CENPP: variants seen among roughly 807,000 people sequenced by gnomAD.
The protein encoded by CENPP is centromere protein P.
CENPP carries 24 observed loss-of-function variants against 35.6 expected under a neutral mutation model. The ratio of observed to expected loss-of-function variants is 0.67; its 90% CI spans 0.49 to 0.95. The LOEUF (loss-of-function observed/expected upper bound fraction) is 0.95, where lower values mean the gene tolerates loss of function less well. CENPP is among the 40% of genes least tolerant of loss of function. The pLI is 0.00. For synonymous variants in CENPP, 120 were observed against 125.5 expected, an observed-to-expected ratio of 0.96 and a Z score of 0.29; for missense variants, 332 against 345.3, an observed-to-expected ratio of 0.96 and a Z score of 0.31.
chr9:92,455,807 C>T (rs1844858046), intron 5 of CENPP, among the ~76,000 whole-genome samples: 1 of 152,220 alleles, frequency 6.6e-6, no homozygotes, highest in Non-Finnish European at 1.5e-5. Context: ...CTCAGTGGCT[C>T]ACGCCTGTAA....
At chr9:92,541,291 A>G (rs1222878119) in intron 5 of CENPP, among the ~76,000 whole-genome samples, 1 of 151,910 alleles carries the variant, frequency 6.6e-6, no homozygotes. Context: ...ATCATCTCAA[A>G]TACTATTTAT....
At chr9:92,428,240 A>G (rs1191569335) in intron 5 of CENPP, among the ~76,000 whole-genome samples, 1 of 152,172 alleles carries the variant, frequency 6.6e-6, no homozygotes, top group Admixed American at 6.5e-5. Context: ...TGGTGCCCCC[A>G]TGCCAACCCT....
At chr9:92,410,977 CT>C (rs560875005) in intron 5 of CENPP, among the ~76,000 whole-genome samples, 15 of 151,010 alleles carry the variant, frequency 9.9e-5, no homozygotes, top group African/African-American at 3.4e-4. Context: ...TATCAGATTC[CT>C]TTTTTTTTCC....
intron 4 of CENPP, among the ~76,000 whole-genome samples, chr9:92,348,057 G>T (rs1051301018): frequency 1.3e-5 from 2 of 151,668 alleles, no homozygotes; most frequent in Non-Finnish European, 2.9e-5. Flanking sequence ...CTGAGTAGCT[G>T]GGATTGCAGG....
chr9:92,399,439 T>A (rs749991550), intron 5 of CENPP, among the ~76,000 whole-genome samples: 1 of 152,204 alleles, frequency 6.6e-6, no homozygotes, highest in Non-Finnish European at 1.5e-5. Flanking sequence ...AGATCTTTAT[T>A]TTTAGTTATA....
At chr9:92,536,170 AAT>A in intron 5 of CENPP, 2 of 374,852 alleles carry the variant, frequency 5.3e-6, no homozygotes, top group South Asian at 4.0e-5. Flanking sequence ...TACCAAGGGA[AAT>A]ATTTTTTTTA....
chr9:92,362,932 T>C (rs1841795829), intron 4 of CENPP, among the ~76,000 whole-genome samples: 1 of 152,244 alleles, frequency 6.6e-6, no homozygotes, highest in Admixed American at 6.5e-5. Context: ...GTGCTCAAAG[T>C]GTCCCGGATT....
chr9:92,458,986 CT>C (rs1211442382), intron 5 of CENPP, among the ~76,000 whole-genome samples: 2 of 152,112 alleles, frequency 1.3e-5, no homozygotes, highest in African/African-American at 4.8e-5. Context: ...AAGATGAAAA[CT>C]TTTGTTCTTG....
chr9:92,598,327 CA>C (rs1234181599), intron 5 of CENPP, among the ~76,000 whole-genome samples: 1 of 152,210 alleles, frequency 6.6e-6, no homozygotes, highest in Non-Finnish European at 1.5e-5. Context: ...CTCATCCCCA[CA>C]ACCCCAGCAC....
At chr9:92,608,027 G>A (rs989551019) in intron 5 of CENPP, among the ~76,000 whole-genome samples, 2 of 152,184 alleles carry the variant, frequency 1.3e-5, no homozygotes, top group Non-Finnish European at 2.9e-5. Flanking sequence ...TGTGGAAGGC[G>A]GGGGCTCCAG....
At position 92,451,270 on chromosome 9, in the gene CENPP, G is replaced by T. The variant is rs1159683709; in HGVS notation, c.564+71411G>T. Among the ~76,000 whole-genome samples, 30 of 149,822 alleles carry T rather than the reference G, an allele frequency of 2.0e-4. No individual in the cohort carries two copies. In the East Asian group the frequency reaches 2.3e-3, roughly 12 times the overall value. On this transcript the variant is annotated intron_variant, in intron 5 of 7. Coordinates refer to ENST00000375587, the MANE Select transcript of CENPP (RefSeq NM_001012267.3). ...CTTTAATCCATCTTGAATTAATTTT[G>T]GTATAAGGTGTAAGGAAGGGATCCA... is the stretch of plus-strand genomic sequence containing the variant.
chr9:92,411,571 A>G (rs1843445702), intron 5 of CENPP, among the ~76,000 whole-genome samples: 1 of 152,210 alleles, frequency 6.6e-6, no homozygotes, highest in Admixed American at 6.5e-5. Flanking sequence ...CTGGTATTAC[A>G]GGTGTAATCC....
At chr9:92,423,585 A>G (rs1218250148) in intron 5 of CENPP, among the ~76,000 whole-genome samples, 5 of 152,154 alleles carry the variant, frequency 3.3e-5, no homozygotes, top group African/African-American at 9.7e-5. Flanking sequence ...GCTATTAAAA[A>G]TACAATTACC....
intron 4 of CENPP, among the ~76,000 whole-genome samples, chr9:92,367,768 C>T (rs900136754): frequency 3.9e-5 from 6 of 152,136 alleles, no homozygotes. Context: ...CAGGTGCCCG[C>T]CATCACGCCC....
At position 92,345,564 on chromosome 9, in the gene CENPP, T is replaced by C. The variant is rs1340376678; in HGVS notation, c.379-135T>C. 8.3e-6 allele frequency: 5 copies of C among 603,578 alleles called. No individual in the cohort carries two copies. The African/African-American group carries it at 9.5e-5, about 11-fold the overall frequency. The allele number at this position is 603,578 out of a possible 1,614,324, so 37.4% of individuals were successfully genotyped here. A position where few individuals can be genotyped will look rare whatever the true frequency, so the allele number is the denominator to read the frequency against. On this transcript the variant is annotated intron_variant, in intron 3 of 7. Transcript: ENST00000375587. ...TATTATTAGTGAGATTGAACTTTTT[T>C]TGTTTTTGTTTTGTTTCTGTCATGA...
At chr9:92,505,788 G>T in intron 5 of CENPP, 1 of 992,664 alleles carries the variant, frequency 1.0e-6, no homozygotes, top group Non-Finnish European at 1.5e-6. Context: ...CGGTTTATTT[G>T]GAGGGCAAAT....
In CENPP at chr9:92,618,267, G is replaced by A. The variant is rs1252087379; in HGVS notation, c.*5118G>A. On this transcript the variant is annotated 3_prime_UTR_variant, in exon 8 of 8. Transcript: ENST00000375587. ...AGTGCCTACACCCTAGGTCTGAGAA[G>A]CCACATGGCTCAGTGCCTTCAGGAC... The A allele has an allele frequency of 2.2e-6, 1 of 456,710 alleles. No homozygotes were observed. Among genetic ancestry groups the A allele is most frequent in the Non-Finnish European group, 4.4e-6 (1 of 226,966 alleles). The allele number at this position is 456,710 out of a possible 1,614,324, so 28.3% of individuals were successfully genotyped here.
rs1009319199 is a variant in CENPP at position 92,620,278 on chromosome 9, T to C, written c.*7129T>C. 1 of 153,418 alleles carries C rather than the reference T, an allele frequency of 6.5e-6. No individual in the cohort carries two copies. Among genetic ancestry groups the C allele is most frequent in the African/African-American group, 2.4e-5 (1 of 41,460 alleles). 9.5% of individuals were successfully genotyped at this position (153,418 alleles called of 1,614,324 possible). A position where few individuals can be genotyped will look rare whatever the true frequency, so the allele number is the denominator to read the frequency against. On this transcript the variant is annotated 3_prime_UTR_variant, in exon 8 of 8. Coordinates refer to ENST00000375587, the MANE Select transcript of CENPP (RefSeq NM_001012267.3). Reference sequence around the variant, plus strand: ...CCAAGCTATGTGGGTCTGTCCATACTGACCAGGGACAGCTCAACACACACC... The same window carrying C: ...CCAAGCTATGTGGGTCTGTCCATACCGACCAGGGACAGCTCAACACACACC...
intron 5 of CENPP, chr9:92,495,795 C>T (rs935746674): frequency 1.1e-6 from 1 of 950,672 alleles, no homozygotes; most frequent in Non-Finnish European, 1.3e-6. Context: ...TGAAAGCTAC[C>T]CCAATATTCA....
Sources: gnomAD v4.1 joint callset for allele counts (sites outside exome capture counted in the v4.1 genomes callset) on GRCh38, gnomAD v4.1.1 for gene constraint, MANE v1.5 for transcripts, NCBI Gene and HGNC (gene_info 2026-07-23, HGNC 2026-07-21) for gene names.